The following ACSM4 variants were observed in gnomAD, a reference collection of about 807,000 sequenced individuals.
ACSM4 encodes the protein acyl-CoA synthetase medium chain family member 4, also known as acyl-coenzyme A synthetase ACSM4, mitochondrial.
Under a neutral mutation model 73.0 loss-of-function variants are expected in ACSM4, and 66 were observed. The ratio of observed to expected loss-of-function variants is 0.90; its 90% CI spans 0.74 to 1.11. The LOEUF (loss-of-function observed/expected upper bound fraction) is 1.11. Among genes scored for constraint, ACSM4 ranks in the 50% least tolerant of loss-of-function variants. The pLI is 0.00. For synonymous variants in ACSM4, 222 were observed against 254.0 expected (o/e 0.87, Z 1.20); for missense variants, 645 against 714.4 (o/e 0.90, Z 1.11).
chr12:7,318,174 T>C lies in ACSM4; in HGVS notation c.913T>C (p.Phe305Leu). 1.2e-6 allele frequency: 2 copies of C among 1,613,150 alleles called. No individual in the cohort carries two copies. Among genetic ancestry groups the C allele is most frequent in the Non-Finnish European group, 1.7e-6 (2 of 1,179,752 alleles). ...HRMAQFDTDT[F>L]LDTLTTYPIT... is the part of the protein sequence containing the mutation. ...AATGGCACAGTTTGACACTGACACCTTCCTAGACGTAAGTCATGTCCTCCA... is the reference window on the plus strand; with the variant it reads ...AATGGCACAGTTTGACACTGACACCCTCCTAGACGTAAGTCATGTCCTCCA... The change falls in exon 5 of 13, where the codon TTC (phenylalanine) becomes CTC (leucine). Residue 305 changes from phenylalanine (F) to leucine (L), a missense_variant. By Grantham distance (22) the Phe-to-Leu change is conservative (BLOSUM62 0). Coordinates refer to ENST00000399422, the MANE Select transcript of ACSM4 (RefSeq NM_001080454.2).
At chr12:7,309,649 T>C (rs1403867852) in intron 2 of ACSM4, among the ~76,000 whole-genome samples, 1 of 152,198 alleles carries the variant, frequency 6.6e-6, no homozygotes, top group African/African-American at 2.4e-5. Context: ...GTGACCCTCC[T>C]GCCTTGGCCA....
In ACSM4 at chr12:7,304,456, A is replaced by T; in HGVS notation, c.125A>T (p.Asn42Ile). ...PLTLADFEAI[N>I]RCNRPLPKNF... The stretch of plus-strand genomic sequence containing the variant: ...ACTCTTGCTGACTTTGAAGCCATAA[A>T]TCGCTGTAACAGGCCATTGCCTAAA... Residue 42 changes from asparagine to isoleucine, a missense_variant, in exon 1 of 13, where the codon AAT becomes ATT. Transcript: ENST00000399422. 2 of 1,613,976 alleles carry T rather than the reference A, an allele frequency of 1.2e-6. No homozygotes were observed. Among genetic ancestry groups the T allele is most frequent in the Non-Finnish European group, 1.7e-6 (2 of 1,179,858 alleles).
At chr12:7,323,339 G>A (rs1386707402) in intron 8 of ACSM4, 25 bp downstream of exon 8, 2 of 1,602,360 alleles carry the variant, frequency 1.2e-6, no homozygotes, top group Admixed American at 1.7e-5. Context: ...TATCTGACTG[G>A]TTCAGTAAAG....
intron 1 of ACSM4, 96 bp downstream of exon 1, chr12:7,304,628 ACT>A (rs1946352067): frequency 9.6e-6 from 12 of 1,247,786 alleles, no homozygotes; most frequent in Non-Finnish European, 1.4e-5. Context: ...ATTCCAATGC[ACT>A]CTCTCACCCT....
At position 7,322,399 on chromosome 12, in the gene ACSM4, T is replaced by C. The variant is rs762849463; in HGVS notation, c.1002-19T>C. 1 of 1,613,140 alleles carries C rather than the reference T, an allele frequency of 6.2e-7. No homozygotes were observed. ...CTCAGGTTCCTCTTGAAAAGACCCA[T>C]GCAACTCTGTCTCTCCAGATATAAA... On this transcript the variant is annotated intron_variant, in intron 6 of 12. Coordinates refer to ENST00000399422, the MANE Select transcript of ACSM4 (RefSeq NM_001080454.2).
intron 11 of ACSM4, 35 bp from the exon 12 acceptor site, chr12:7,326,937 AAAAC>A: frequency 6.5e-7 from 1 of 1,549,410 alleles, no homozygotes; most frequent in Non-Finnish European, 8.7e-7. Context: ...ATGTGTCTGA[AAAAC>A]AAATGAGCAA....
chr12:7,306,661 C>T lies in ACSM4; in HGVS notation c.330C>T (p.Gly110=), dbSNP rs770724075. Residue 110 remains glycine, a synonymous_variant, in exon 2 of 13, where the codon GGC becomes GGT. Coordinates refer to ENST00000399422, the MANE Select transcript of ACSM4 (RefSeq NM_001080454.2). ...CCAACGTGCTCACCAAGCCCTGTGG[C>T]CTGCAGAGAGGAGACCGTTTGGCCG... The part of the protein sequence containing the change: ...KAANVLTKPC[G]LQRGDRLAVI... The T allele has an allele frequency of 3.1e-6, 5 of 1,610,636 alleles. No individual in the cohort carries two copies. In the South Asian group the frequency reaches 4.4e-5, roughly 14 times the overall value.
At chr12:7,306,865 GAA>G in intron 2 of ACSM4, 122 bp downstream of exon 2, 1 of 712,044 alleles carries the variant, frequency 1.4e-6, no homozygotes, top group East Asian at 2.9e-5. Flanking sequence ...AAAAAAAAAA[GAA>G]GAGTTAAGGC....
At position 7,328,619 on chromosome 12, in the gene ACSM4, A is replaced by T. The variant is rs1946529455; in HGVS notation, c.*246A>T. The T allele has an allele frequency of 4.0e-6, 1 of 247,994 alleles. No homozygotes were observed. Among genetic ancestry groups the T allele is most frequent in the Non-Finnish European group, 7.8e-6 (1 of 127,704 alleles). The allele number at this position is 247,994 out of a possible 1,614,324, so 15.4% of individuals were successfully genotyped here. A position where few individuals can be genotyped will look rare whatever the true frequency, so the allele number is the denominator to read the frequency against. ...GTAATGATGATGATTTGTAGTGTTT[A>T]AAATAGCAGGAATAAAATGATTGCT... On this transcript the variant is annotated 3_prime_UTR_variant, in exon 13 of 13. Transcript: ENST00000399422.
chr12:7,321,601 T>A (rs1429097049), intron 6 of ACSM4, among the ~76,000 whole-genome samples: 1 of 152,238 alleles, frequency 6.6e-6, no homozygotes, highest in Non-Finnish European at 1.5e-5. Flanking sequence ...ATTCAGGGAC[T>A]ATTCAATGAT....
intron 10 of ACSM4, 37 bp from the exon 11 acceptor site, chr12:7,324,462 G>A (rs1565756288): frequency 6.2e-7 from 1 of 1,613,952 alleles, no homozygotes. Flanking sequence ...CTCTAACTTG[G>A]AGGATGTGGT....
intron 11 of ACSM4, 44 bp downstream of exon 11, chr12:7,324,642 A>G (rs1034127789): frequency 6.3e-7 from 1 of 1,593,508 alleles, no homozygotes; most frequent in African/African-American, 1.3e-5. Flanking sequence ...CATATTTTCA[A>G]GTTCTGTCCA....
chr12:7,316,758 A>C (rs1946423063), intron 3 of ACSM4, among the ~76,000 whole-genome samples: 1 of 152,266 alleles, frequency 6.6e-6, no homozygotes, highest in South Asian at 2.1e-4. Flanking sequence ...CTGAAACATT[A>C]ATAGCAATGT....
chr12:7,325,772 C>T (rs1179786246), intron 11 of ACSM4, among the ~76,000 whole-genome samples: 1 of 152,086 alleles, frequency 6.6e-6, no homozygotes, highest in East Asian at 1.9e-4. Flanking sequence ...AGGAGGAAGC[C>T]CTATTTTCAT....
In ACSM4 at chr12:7,323,238, T is replaced by A. The variant is rs1228803032; in HGVS notation, c.1130T>A (p.Met377Lys). 6.2e-7 allele frequency: 1 copy of A among 1,607,532 alleles called. No individual in the cohort carries two copies. Among genetic ancestry groups the A allele is most frequent in the Non-Finnish European group, 8.5e-7 (1 of 1,176,974 alleles). Residue 377 changes from methionine to lysine, a missense_variant, in exon 8 of 13, where the codon ATG (methionine) becomes AAG (lysine). Physicochemically the swap from Met to Lys is moderately conservative, Grantham distance 95 (BLOSUM62 -1). Transcript: ENST00000399422. ...YEGYGQTEVGMICANQKGQEI... is the reference protein window; with the variant it reads ...YEGYGQTEVGKICANQKGQEI... ...CAAAGCTTGTCCTCTCAATAGGGAATGATTTGTGCCAATCAGAAAGGCCAA... is the reference window on the plus strand; with the variant it reads ...CAAAGCTTGTCCTCTCAATAGGGAAAGATTTGTGCCAATCAGAAAGGCCAA...
At chr12:7,326,023 A>C (rs73270546) in intron 11 of ACSM4, among the ~76,000 whole-genome samples, 4,563 of 152,262 alleles carry the variant, frequency 0.03, 237 homozygotes, top group African/African-American at 0.1. Context: ...ATTTCAGCTG[A>C]ACAGAAGTAA....
In ACSM4 at chr12:7,328,507, G is replaced by A; in HGVS notation, c.*134G>A. On this transcript the variant is annotated 3_prime_UTR_variant, in exon 13 of 13. Coordinates refer to ENST00000399422, the MANE Select transcript of ACSM4 (RefSeq NM_001080454.2). ...TGAAAACTCAACTGTTGATTTTTTG[G>A]TTTTTACTTAGCTAAAAAGTTTAAA... is the stretch of plus-strand genomic sequence containing the variant. 1 of 665,568 alleles carries A rather than the reference G, an allele frequency of 1.5e-6. No homozygotes were observed. Among genetic ancestry groups the A allele is most frequent in the Non-Finnish European group, 2.2e-6 (1 of 456,994 alleles). The allele number at this position is 665,568 out of a possible 1,614,324, so 41.2% of individuals were successfully genotyped here.
chr12:7,309,983 C>A (rs1946381101), intron 2 of ACSM4, among the ~76,000 whole-genome samples: 1 of 151,800 alleles, frequency 6.6e-6, no homozygotes, highest in Non-Finnish European at 1.5e-5. Context: ...AGGGTTTCGC[C>A]ATGTTGCTCG....
At chr12:7,325,493 A>C (rs1250889545) in intron 11 of ACSM4, among the ~76,000 whole-genome samples, 1 of 152,146 alleles carries the variant, frequency 6.6e-6, no homozygotes, top group Admixed American at 6.5e-5. Context: ...CTAAAAATAC[A>C]AAAATTAGCC....
Sources: gnomAD v4.1 joint callset for allele counts (sites outside exome capture counted in the v4.1 genomes callset) on GRCh38, gnomAD v4.1.1 for gene constraint, MANE v1.5 for transcripts, NCBI Gene and HGNC (gene_info 2026-07-23, HGNC 2026-07-21) for gene names.